The following KCNH8 variants were observed in gnomAD, a reference collection of about 807,000 sequenced individuals.
KCNH8 encodes voltage-gated delayed rectifier potassium channel KCNH8.
Under a neutral mutation model 103.6 loss-of-function variants are expected in KCNH8, and 70 were observed. The observed-to-expected ratio is 0.68, with a 90% confidence interval of 0.56 to 0.82. The LOEUF (loss-of-function observed/expected upper bound fraction) is 0.82. KCNH8 is among the 40% of genes least tolerant of loss of function. The pLI is 0.00. For synonymous variants in KCNH8, 498 were observed against 489.4 expected (o/e 1.02, Z -0.23); for missense variants, 1,217 against 1,329.9 (o/e 0.92, Z 1.32).
At chr3:19,337,349 T>A (rs1488109758) in intron 3 of KCNH8, among the ~76,000 whole-genome samples, 2 of 152,134 alleles carry the variant, frequency 1.3e-5, no homozygotes, top group African/African-American at 4.8e-5. Context: ...TGCTAATACA[T>A]GATGTTTTGT....
intron 5 of KCNH8, among the ~76,000 whole-genome samples, chr3:19,367,718 T>C (rs1002155185): frequency 6.6e-6 from 1 of 151,960 alleles, no homozygotes; most frequent in Non-Finnish European, 1.5e-5. Flanking sequence ...GTTTGTTTCA[T>C]GTGGCCTCAC....
chr3:19,187,972 C>T (rs995075443), intron 1 of KCNH8, among the ~76,000 whole-genome samples: 3 of 151,958 alleles, frequency 2.0e-5, no homozygotes, highest in Admixed American at 1.3e-4. Context: ...CACGTACCAG[C>T]GTCACCAGAT....
chr3:19,152,621 T>G (rs1040523236), intron 1 of KCNH8, among the ~76,000 whole-genome samples: 7 of 152,226 alleles, frequency 4.6e-5, no homozygotes, highest in Non-Finnish European at 1.0e-4. Flanking sequence ...TATAGCCTGT[T>G]TGAAATGGTC....
At chr3:19,166,506 A>G (rs1014934787) in intron 1 of KCNH8, among the ~76,000 whole-genome samples, 28 of 152,232 alleles carry the variant, frequency 1.8e-4, no homozygotes, top group Admixed American at 1.8e-3. Context: ...CTTTGTCCCC[A>G]GCATTGTTCG....
Position 19,148,600 on chromosome 3 carries a change from G to C in KCNH8, c.-120G>C, listed in dbSNP as rs1029446979. 1 of 940,232 alleles carries C rather than the reference G, an allele frequency of 1.1e-6. No homozygotes were observed. The highest frequency in any genetic ancestry group is 1.6e-5 in the African/African-American group (1 of 62,376). The allele number at this position is 940,232 out of a possible 1,614,324, so 58.2% of individuals were successfully genotyped here. A position where few individuals can be genotyped will look rare whatever the true frequency, so the allele number is the denominator to read the frequency against. On this transcript the variant is annotated 5_prime_UTR_variant, in exon 1 of 16. Coordinates refer to ENST00000328405, the MANE Select transcript of KCNH8 (RefSeq NM_144633.3). ...TCCACTTCCCCTGCTCGGCCCCGCC[G>C]TCAGGCCGGGTCCCCCTTCCCTGCC...
At chr3:19,171,359 G>C (rs1334412302) in intron 1 of KCNH8, among the ~76,000 whole-genome samples, 1 of 152,050 alleles carries the variant, frequency 6.6e-6, no homozygotes, top group Non-Finnish European at 1.5e-5. Flanking sequence ...GGAGAATACA[G>C]CTTATATTTT....
At chr3:19,373,039 C>G (rs1175485560) in intron 5 of KCNH8, among the ~76,000 whole-genome samples, 1 of 151,736 alleles carries the variant, frequency 6.6e-6, no homozygotes, top group Admixed American at 6.6e-5. Flanking sequence ...ATTTTTGCAT[C>G]AATGTTCATC....
chr3:19,267,113 G>A (rs886188903), intron 2 of KCNH8, among the ~76,000 whole-genome samples: 4 of 152,048 alleles, frequency 2.6e-5, no homozygotes, highest in South Asian at 4.1e-4. Context: ...TGTCACAGCC[G>A]CCTCTGGGAG....
At chr3:19,432,480 CA>C (rs2067138176) in intron 7 of KCNH8, among the ~76,000 whole-genome samples, 1 of 152,122 alleles carries the variant, frequency 6.6e-6, no homozygotes, top group East Asian at 1.9e-4. Context: ...TGAACTTTAG[CA>C]TATCAATAAT....
At chr3:19,213,691 A>G (rs575826577) in intron 1 of KCNH8, among the ~76,000 whole-genome samples, 4 of 152,348 alleles carry the variant, frequency 2.6e-5, no homozygotes, top group Admixed American at 6.5e-5. Flanking sequence ...AGTCTTCAGC[A>G]TATGCTCAGT....
chr3:19,455,748 T>A (rs2067522250), intron 10 of KCNH8, among the ~76,000 whole-genome samples: 1 of 152,054 alleles, frequency 6.6e-6, no homozygotes, highest in South Asian at 2.1e-4. Flanking sequence ...ATTGGCAGGA[T>A]GTTGGTGCTG....
At chr3:19,420,058 A>ATACTTAAAT (rs1416509371) in intron 7 of KCNH8, among the ~76,000 whole-genome samples, 1 of 152,070 alleles carries the variant, frequency 6.6e-6, no homozygotes, top group Non-Finnish European at 1.5e-5. Context: ...AATTTATGAG[A>ATACTTAAAT]TACTTAAATT....
intron 8 of KCNH8, among the ~76,000 whole-genome samples, chr3:19,447,308 G>A (rs866881289): frequency 6.6e-5 from 10 of 152,118 alleles, no homozygotes; most frequent in African/African-American, 2.2e-4. Flanking sequence ...ATGCTGAAAT[G>A]AGACTTTGAA....
At chr3:19,332,022 T>C (rs984533319) in intron 3 of KCNH8, among the ~76,000 whole-genome samples, 1 of 151,934 alleles carries the variant, frequency 6.6e-6, no homozygotes. Flanking sequence ...ACTTTAAGGA[T>C]GTATATATCA....
chr3:19,532,430 A>G (rs1248711446), intron 15 of KCNH8, among the ~76,000 whole-genome samples: 1 of 151,994 alleles, frequency 6.6e-6, no homozygotes, highest in Admixed American at 6.6e-5. Context: ...TTTTCTGCAA[A>G]CTTTCTCTGT....
At chr3:19,439,699 T>C (rs1250477237) in intron 8 of KCNH8, among the ~76,000 whole-genome samples, 1 of 152,070 alleles carries the variant, frequency 6.6e-6, no homozygotes, top group African/African-American at 2.4e-5. Flanking sequence ...GTTATTGCTG[T>C]TATTAAAGAA....
chr3:19,457,768 G>T (rs1197460782), intron 11 of KCNH8, among the ~76,000 whole-genome samples: 1 of 151,914 alleles, frequency 6.6e-6, no homozygotes, highest in Non-Finnish European at 1.5e-5. Flanking sequence ...AGAAGCTATG[G>T]TTTGGACCAA....
At chr3:19,323,827 T>G (rs975047074) in intron 3 of KCNH8, among the ~76,000 whole-genome samples, 2 of 152,056 alleles carry the variant, frequency 1.3e-5, no homozygotes, top group Non-Finnish European at 2.9e-5. Flanking sequence ...TACTGGAGAG[T>G]GTCTGCAAAG....
intron 7 of KCNH8, among the ~76,000 whole-genome samples, chr3:19,410,841 G>A (rs2125147777): frequency 7.1e-6 from 1 of 141,058 alleles, no homozygotes; most frequent in East Asian, 2.4e-4. Context: ...CCAATATTGA[G>A]TTCCAAAATT....
Sources: allele counts gnomAD v4.1 joint callset (sites outside exome capture counted in the v4.1 genomes callset), GRCh38; gene constraint gnomAD v4.1.1; transcripts MANE v1.5; gene names NCBI Gene and HGNC (gene_info 2026-07-23, HGNC 2026-07-21).